PKNOX2: variants seen among roughly 807,000 people sequenced by gnomAD.
PKNOX2 encodes PBX/knotted 1 homeobox 2, also known as homeobox protein PKNOX2.
A neutral mutation model predicts 53.1 loss-of-function variants in PKNOX2; 14 were observed. The ratio of observed to expected loss-of-function variants is 0.26; its 90% CI spans 0.17 to 0.41. The LOEUF is 0.41. Among genes scored for constraint, PKNOX2 ranks in the 10% least tolerant of loss-of-function variants. The pLI is 1.00. For synonymous variants in PKNOX2, 257 were observed against 242.8 expected, an observed-to-expected ratio of 1.06 and a Z score of -0.54; for missense variants, 496 against 602.8, an observed-to-expected ratio of 0.82 and a Z score of 1.85.
chr11:125,280,052 G>A (rs978657407), intron 2 of PKNOX2, among the ~76,000 whole-genome samples: 13 of 150,014 alleles, frequency 8.7e-5, no homozygotes, highest in African/African-American at 2.9e-4. Flanking sequence ...AACTGAGCTG[G>A]AAGATACCCA....
At chr11:125,268,196 G>A (rs941576019) in intron 2 of PKNOX2, among the ~76,000 whole-genome samples, 3 of 152,142 alleles carry the variant, frequency 2.0e-5, no homozygotes, top group African/African-American at 7.2e-5. Flanking sequence ...GGCCCCCAAC[G>A]CAGACAGGTC....
At chr11:125,297,879 G>A (rs966414797) in intron 2 of PKNOX2, among the ~76,000 whole-genome samples, 5 of 152,122 alleles carry the variant, frequency 3.3e-5, no homozygotes, top group South Asian at 4.1e-4. Context: ...CCTTCCCATA[G>A]ATTAGCTCAT....
chr11:125,234,037 C>T (rs1025507967), intron 1 of PKNOX2, among the ~76,000 whole-genome samples: 1 of 152,198 alleles, frequency 6.6e-6, no homozygotes, highest in Admixed American at 6.5e-5. Flanking sequence ...ACCCTCCATG[C>T]CTTTCTGCCC....
intron 1 of PKNOX2, chr11:125,184,496 A>G (rs1224190375): frequency 6.6e-6 from 1 of 152,282 alleles, no homozygotes; most frequent in East Asian, 1.9e-4. Context: ...ATAGATAGAG[A>G]GAGGGGAGCC....
At chr11:125,379,028 G>C (rs1290948013) in intron 5 of PKNOX2, among the ~76,000 whole-genome samples, 1 of 150,242 alleles carries the variant, frequency 6.7e-6, no homozygotes, top group Non-Finnish European at 1.5e-5. Flanking sequence ...AAATGAAAAA[G>C]GATCCAACTA....
chr11:125,383,035 AG>A (rs1953360988), intron 5 of PKNOX2, among the ~76,000 whole-genome samples: 1 of 152,176 alleles, frequency 6.6e-6, no homozygotes, highest in Non-Finnish European at 1.5e-5. Context: ...GTGCAGGGAC[AG>A]GCTCTGCCAA....
At chr11:125,378,022 G>C (rs1952945911) in intron 5 of PKNOX2, among the ~76,000 whole-genome samples, 1 of 152,196 alleles carries the variant, frequency 6.6e-6, no homozygotes, top group Admixed American at 6.5e-5. Flanking sequence ...CCTCTGAAAG[G>C]GCACTTGTTG....
chr11:125,229,456 G>T (rs1291215578), intron 1 of PKNOX2, among the ~76,000 whole-genome samples: 1 of 152,228 alleles, frequency 6.6e-6, no homozygotes, highest in Non-Finnish European at 1.5e-5. Context: ...GTGAAATTTT[G>T]CAAGGTTTAG....
intron 10 of PKNOX2, among the ~76,000 whole-genome samples, chr11:125,412,726 A>G (rs1304666995): frequency 6.6e-6 from 1 of 152,198 alleles, no homozygotes; most frequent in African/African-American, 2.4e-5. Context: ...CTGGCATGTC[A>G]GGACAGACAG....
intron 2 of PKNOX2, among the ~76,000 whole-genome samples, chr11:125,302,931 A>G (rs73621022): frequency 0.027 from 4,053 of 152,308 alleles, 174 homozygotes; most frequent in African/African-American, 0.092. Context: ...TCGCTGCTCC[A>G]CACAGTGGAC....
intron 6 of PKNOX2, among the ~76,000 whole-genome samples, chr11:125,394,535 G>A (rs1485576693): frequency 6.6e-6 from 1 of 152,182 alleles, no homozygotes; most frequent in Admixed American, 6.5e-5. Context: ...CAGGGAATGT[G>A]GGCTCCCCAC....
At chr11:125,313,906 T>G (rs1807733670) in intron 2 of PKNOX2, among the ~76,000 whole-genome samples, 1 of 152,104 alleles carries the variant, frequency 6.6e-6, no homozygotes, top group South Asian at 2.1e-4. Flanking sequence ...CGGGCTAAGA[T>G]GCAATTGGAT....
chr11:125,208,368 G>A (rs1191533998), intron 1 of PKNOX2, among the ~76,000 whole-genome samples: 3 of 152,100 alleles, frequency 2.0e-5, no homozygotes, highest in Non-Finnish European at 4.4e-5. Flanking sequence ...TTCTATGCCA[G>A]CTGAGGGAAT....
At chr11:125,368,338 G>A (rs528352984) in intron 5 of PKNOX2, among the ~76,000 whole-genome samples, 19 of 152,238 alleles carry the variant, frequency 1.2e-4, no homozygotes, top group Admixed American at 1.0e-3. Flanking sequence ...CCTCCATCAA[G>A]CCCACCAGAG....
At chr11:125,374,956 GGGA>G (rs1189617052) in intron 5 of PKNOX2, among the ~76,000 whole-genome samples, 1 of 151,672 alleles carries the variant, frequency 6.6e-6, no homozygotes, top group Non-Finnish European at 1.5e-5. Context: ...GGGGTGGGGT[GGGA>G]GGAGAACAGA....
At chr11:125,409,291 C>T (rs1310972165) in intron 7 of PKNOX2, among the ~76,000 whole-genome samples, 1 of 152,194 alleles carries the variant, frequency 6.6e-6, no homozygotes, top group African/African-American at 2.4e-5. Flanking sequence ...CAGCTGTTAA[C>T]TAGGAATGGT....
intron 1 of PKNOX2, among the ~76,000 whole-genome samples, chr11:125,173,361 C>A (rs1409759696): frequency 2.0e-5 from 3 of 151,898 alleles, no homozygotes; most frequent in Non-Finnish European, 4.4e-5. Context: ...AGTGGCAGGT[C>A]CAGGAAGTGG....
At chr11:125,227,647 G>A (rs1941820984) in intron 1 of PKNOX2, among the ~76,000 whole-genome samples, 1 of 152,178 alleles carries the variant, frequency 6.6e-6, no homozygotes, top group African/African-American at 2.4e-5. Context: ...TGGATACTGG[G>A]TTGCTCCCAC....
chr11:125,250,153 T>C (rs552548466), intron 2 of PKNOX2, among the ~76,000 whole-genome samples: 4 of 147,846 alleles, frequency 2.7e-5, no homozygotes, highest in Admixed American at 6.8e-5. Flanking sequence ...TAGCCTCAAA[T>C]GACCCTCCCA....
Sources: gnomAD v4.1 joint callset for allele counts (sites outside exome capture counted in the v4.1 genomes callset) on GRCh38, gnomAD v4.1.1 for gene constraint, MANE v1.5 for transcripts, NCBI Gene and HGNC (gene_info 2026-07-23, HGNC 2026-07-21) for gene names.